DGKG: variants seen among roughly 807,000 people sequenced by gnomAD.
DGKG encodes diacylglycerol kinase gamma.
Under a neutral mutation model 105.3 loss-of-function variants are expected in DGKG, and 78 were observed. The observed-to-expected ratio is 0.74, with a 90% CI of 0.62 to 0.89. The LOEUF is 0.89. DGKG is among the 40% of genes least tolerant of loss of function. The pLI is 0.00. For missense variants in DGKG, 958 were observed against 1,020.1 expected (o/e 0.94, Z 0.83); for synonymous variants, 346 against 367.1 (o/e 0.94, Z 0.66).
intron 21 of DGKG, among the ~76,000 whole-genome samples, chr3:186,200,816 G>A (rs1436107968): frequency 6.6e-6 from 1 of 152,258 alleles, no homozygotes; most frequent in East Asian, 1.9e-4. Context: ...CGGCATTGAA[G>A]CCATGTACAC....
chr3:186,297,594 T>C (rs1723647388), intron 4 of DGKG, 111 bp from the exon 5 acceptor site: 1 of 774,252 alleles, frequency 1.3e-6, no homozygotes, highest in African/African-American at 1.7e-5. Context: ...TGTCTGTGTC[T>C]CGGGGTTATG....
At chr3:186,358,454 G>A (rs1406397785) in intron 1 of DGKG, among the ~76,000 whole-genome samples, 5 of 151,794 alleles carry the variant, frequency 3.3e-5, no homozygotes, top group Admixed American at 2.0e-4. Flanking sequence ...GGAGATCAAC[G>A]AGGCTCTAGG....
chr3:186,346,317 T>C (rs1726329454), intron 1 of DGKG, among the ~76,000 whole-genome samples: 1 of 152,240 alleles, frequency 6.6e-6, no homozygotes, highest in African/African-American at 2.4e-5. Flanking sequence ...CTCAGCTTTA[T>C]TCTTATTGTC....
At chr3:186,307,290 T>C (rs1428340875) in intron 2 of DGKG, among the ~76,000 whole-genome samples, 1 of 152,248 alleles carries the variant, frequency 6.6e-6, no homozygotes, top group Non-Finnish European at 1.5e-5. Context: ...GCCCTTAACT[T>C]GGAATACCAG....
intron 21 of DGKG, among the ~76,000 whole-genome samples, chr3:186,193,780 C>G (rs1022303033): frequency 1.3e-5 from 2 of 152,240 alleles, no homozygotes; most frequent in Admixed American, 6.5e-5. Flanking sequence ...GTCATCGGGC[C>G]CCCTCCCCCT....
At chr3:186,328,736 C>T (rs1050609430) in intron 1 of DGKG, among the ~76,000 whole-genome samples, 44 of 151,792 alleles carry the variant, frequency 2.9e-4, no homozygotes, top group Admixed American at 6.6e-4. Flanking sequence ...CCACCACGCC[C>T]GGCTAATTTT....
chr3:186,294,282 C>T (rs1021222713), intron 5 of DGKG, among the ~76,000 whole-genome samples: 6 of 152,266 alleles, frequency 3.9e-5, no homozygotes, highest in Non-Finnish European at 8.8e-5. Flanking sequence ...TAAAACACAA[C>T]CTGCTCAGAC....
chr3:186,193,223 T>C (rs900930315), intron 21 of DGKG, among the ~76,000 whole-genome samples: 1 of 152,198 alleles, frequency 6.6e-6, no homozygotes, highest in African/African-American at 2.4e-5. Flanking sequence ...AGAACGTGCC[T>C]GCCTGGGCTT....
At chr3:186,215,538 G>A (rs367951484) in intron 20 of DGKG, among the ~76,000 whole-genome samples, 18 of 152,070 alleles carry the variant, frequency 1.2e-4, no homozygotes, top group East Asian at 7.7e-4. Context: ...TCTGTTCCAT[G>A]TGTGGAGAAG....
In DGKG at chr3:186,197,384, G is replaced by C. The variant is rs553600577; in HGVS notation, c.1918-9005C>G. Among the ~76,000 whole-genome samples the C allele has an allele frequency of 2.1e-4, 32 of 152,206 alleles. No homozygotes were observed. In the South Asian group the frequency reaches 6.6e-3, roughly 32 times the overall value. On this transcript the variant is annotated intron_variant, in intron 21 of 24. Coordinates refer to ENST00000265022, the MANE Select transcript of DGKG (RefSeq NM_001346.3). ...CCGCAGATAGACCCTAAAAGGCAGA[G>C]GGGTGGCTGACCTAGACCTGAGTGA...
chr3:186,253,755 C>A (rs540699859), intron 17 of DGKG, among the ~76,000 whole-genome samples: 1 of 152,170 alleles, frequency 6.6e-6, no homozygotes, highest in East Asian at 1.9e-4. Context: ...GGCTCCAAGT[C>A]CATTCCCCTC....
At chr3:186,162,745 T>C (rs1366056027) in intron 23 of DGKG, among the ~76,000 whole-genome samples, 4 of 152,148 alleles carry the variant, frequency 2.6e-5, no homozygotes, top group African/African-American at 9.7e-5. Flanking sequence ...GGTTTCACCA[T>C]GTTGGCCAGG....
chr3:186,168,523 T>A (rs1309880246), intron 22 of DGKG, among the ~76,000 whole-genome samples: 1 of 152,184 alleles, frequency 6.6e-6, no homozygotes, highest in Non-Finnish European at 1.5e-5. Context: ...GTCATCCCCA[T>A]ATGAAAAATC....
At chr3:186,326,328 G>A (rs368330492) in intron 1 of DGKG, among the ~76,000 whole-genome samples, 1 of 151,816 alleles carries the variant, frequency 6.6e-6, no homozygotes, top group Non-Finnish European at 1.5e-5. Context: ...GGAGGTGGGG[G>A]TTGGATGTTG....
chr3:186,330,199 C>T (rs866545100), intron 1 of DGKG, among the ~76,000 whole-genome samples: 2 of 152,128 alleles, frequency 1.3e-5, no homozygotes, highest in Middle Eastern at 3.2e-3. Flanking sequence ...TCAACACTCA[C>T]ATTTTATATT....
At chr3:186,277,938 C>T (rs967613644) in intron 9 of DGKG, among the ~76,000 whole-genome samples, 1 of 152,038 alleles carries the variant, frequency 6.6e-6, no homozygotes, top group South Asian at 2.1e-4. Context: ...TTCTCCAAAA[C>T]CCCAAATAGT....
intron 24 of DGKG, among the ~76,000 whole-genome samples, chr3:186,153,445 A>G (rs1338381544): frequency 6.6e-6 from 1 of 152,160 alleles, no homozygotes; most frequent in East Asian, 1.9e-4. Flanking sequence ...ATTTTCTTAA[A>G]AACTATTCAC....
chr3:186,175,209 C>T (rs1454740665), intron 22 of DGKG, among the ~76,000 whole-genome samples: 1 of 152,132 alleles, frequency 6.6e-6, no homozygotes, highest in Non-Finnish European at 1.5e-5. Flanking sequence ...GGCTGGATTT[C>T]CTAATGGGCT....
intron 20 of DGKG, among the ~76,000 whole-genome samples, chr3:186,219,151 T>TAAAAA (rs35173611): frequency 1.6e-5 from 2 of 124,362 alleles, no homozygotes; most frequent in Non-Finnish European, 3.4e-5. Context: ...CATCAAGAGT[T>TAAAAA]AAAAAAAAAA....
Sources: gnomAD v4.1 joint callset for allele counts (sites outside exome capture counted in the v4.1 genomes callset) on GRCh38, gnomAD v4.1.1 for gene constraint, MANE v1.5 for transcripts, NCBI Gene and HGNC (gene_info 2026-07-23, HGNC 2026-07-21) for gene names.